Variants in CSNK1G3 observed in about 807,000 individuals in gnomAD.
CSNK1G3 encodes the protein casein kinase 1 gamma 3.
In CSNK1G3, 23 loss-of-function variants were observed where a neutral mutation model predicts 64.3. That is an observed-to-expected ratio of 0.36 (90% confidence interval 0.26 to 0.51). The LOEUF (loss-of-function observed/expected upper bound fraction) is 0.51. Ranked by LOEUF, CSNK1G3 falls within the 20% of genes least tolerant of loss-of-function variation. CSNK1G3 has a pLI of 0.96. For missense variants in CSNK1G3, 357 were observed against 510.5 expected (o/e 0.70, Z 2.90); for synonymous variants, 158 against 162.2 (o/e 0.97, Z 0.20).
intron 6 of CSNK1G3, among the ~76,000 whole-genome samples, chr5:123,580,455 G>A (rs1790027323): frequency 6.6e-6 from 1 of 151,852 alleles, no homozygotes; most frequent in Admixed American, 6.6e-5. Flanking sequence ...TCTTAACTAG[G>A]TTATTTATGT....
chr5:123,570,417 G>A (rs1314317919), intron 4 of CSNK1G3, among the ~76,000 whole-genome samples: 1 of 147,674 alleles, frequency 6.8e-6, no homozygotes, highest in East Asian at 2.0e-4. Context: ...GCAGTGGCGC[G>A]ATCTTGGCTC....
At chr5:123,561,421 T>C (rs1182072767) in intron 4 of CSNK1G3, among the ~76,000 whole-genome samples, 4 of 152,132 alleles carry the variant, frequency 2.6e-5, no homozygotes, top group Admixed American at 6.6e-5. Context: ...TATAAATAGA[T>C]TTGACTCTTA....
intron 8 of CSNK1G3, 73 bp downstream of exon 8, chr5:123,588,584 T>C: frequency 1.0e-6 from 1 of 967,944 alleles, no homozygotes; most frequent in South Asian, 1.5e-5. Context: ...CTTAAGTTTA[T>C]ACATATTTTT....
At chr5:123,606,352 T>A (rs1795366818) in intron 12 of CSNK1G3, among the ~76,000 whole-genome samples, 1 of 152,078 alleles carries the variant, frequency 6.6e-6, no homozygotes, top group African/African-American at 2.4e-5. Context: ...AAACAACAGC[T>A]TATGTTTGGG....
chr5:123,519,425 G>A (rs558502394), intron 1 of CSNK1G3, among the ~76,000 whole-genome samples: 4 of 152,176 alleles, frequency 2.6e-5, no homozygotes, highest in African/African-American at 7.2e-5. Flanking sequence ...AATAAAATAG[G>A]TGGTGAAGTT....
chr5:123,542,138 T>C (rs1041279488), intron 1 of CSNK1G3, among the ~76,000 whole-genome samples: 2 of 152,170 alleles, frequency 1.3e-5, no homozygotes, highest in Non-Finnish European at 2.9e-5. Flanking sequence ...ATATTTATTG[T>C]GTAGAACATG....
At chr5:123,515,247 C>CTG (rs945387315) in intron 1 of CSNK1G3, among the ~76,000 whole-genome samples, 111 of 152,090 alleles carry the variant, frequency 7.3e-4, no homozygotes, top group African/African-American at 2.4e-3. Context: ...TAGACTTATT[C>CTG]TGGTATAGTT....
intron 6 of CSNK1G3, among the ~76,000 whole-genome samples, chr5:123,586,073 T>A (rs749036753): frequency 9.2e-5 from 14 of 152,336 alleles, no homozygotes; most frequent in Admixed American, 4.6e-4. Flanking sequence ...ATAAACACAT[T>A]GTAATATACT....
chr5:123,606,411 G>T (rs1353658037), intron 12 of CSNK1G3, among the ~76,000 whole-genome samples: 1 of 152,128 alleles, frequency 6.6e-6, no homozygotes, highest in Admixed American at 6.6e-5. Flanking sequence ...TGGTGTGGCA[G>T]ATTCGACTGC....
At chr5:123,601,964 T>TGACA (rs972794323) in intron 10 of CSNK1G3, among the ~76,000 whole-genome samples, 123 of 152,170 alleles carry the variant, frequency 8.1e-4, no homozygotes, top group African/African-American at 2.8e-3. Context: ...GCAGAGGCAA[T>TGACA]GACATTTTCA....
intron 10 of CSNK1G3, among the ~76,000 whole-genome samples, chr5:123,593,327 T>TA (rs1289212652): frequency 2.0e-5 from 3 of 151,714 alleles, no homozygotes; most frequent in Admixed American, 1.3e-4. Flanking sequence ...GTTGTATATT[T>TA]AAAAAAAACT....
intron 8 of CSNK1G3, 100 bp downstream of exon 8, chr5:123,588,611 A>G: frequency 1.3e-6 from 1 of 767,004 alleles, no homozygotes; most frequent in Admixed American, 2.7e-5. Context: ...GCTTAAAAAA[A>G]AAAGAGCTAA....
intron 12 of CSNK1G3, among the ~76,000 whole-genome samples, chr5:123,606,724 C>A (rs953070363): frequency 7.9e-5 from 12 of 152,162 alleles, no homozygotes; most frequent in African/African-American, 2.9e-4. Flanking sequence ...ACACACTCTT[C>A]ACTGAAACTG....
intron 6 of CSNK1G3, among the ~76,000 whole-genome samples, chr5:123,576,590 C>T (rs1485581874): frequency 6.6e-6 from 1 of 152,120 alleles, no homozygotes; most frequent in African/African-American, 2.4e-5. Flanking sequence ...AACAGTTCCT[C>T]AGTCGTTCGT....
chr5:123,581,356 G>GTT (rs1561566403), intron 6 of CSNK1G3, among the ~76,000 whole-genome samples: 5 of 96,752 alleles, frequency 5.2e-5, no homozygotes, highest in African/African-American at 7.9e-5. Flanking sequence ...TGTTTTTTGG[G>GTT]TTTGTTTTTT....
At chr5:123,543,621 C>T (rs1157529159) in intron 1 of CSNK1G3, among the ~76,000 whole-genome samples, 1 of 152,120 alleles carries the variant, frequency 6.6e-6, no homozygotes, top group African/African-American at 2.4e-5. Context: ...TGAGCCTCAC[C>T]TCTTTGTGCT....
intron 1 of CSNK1G3, among the ~76,000 whole-genome samples, chr5:123,528,727 C>T (rs944295936): frequency 3.9e-5 from 6 of 152,104 alleles, no homozygotes; most frequent in African/African-American, 1.4e-4. Flanking sequence ...ATTTAGTTGT[C>T]ATTTCTTATT....
chr5:123,612,273 C>T (rs1796465611), intron 12 of CSNK1G3, among the ~76,000 whole-genome samples: 1 of 151,922 alleles, frequency 6.6e-6, no homozygotes. Flanking sequence ...TTTGCAGTAC[C>T]CTCATAGTAG....
intron 1 of CSNK1G3, among the ~76,000 whole-genome samples, chr5:123,544,210 C>A (rs933213227): frequency 1.3e-5 from 2 of 152,160 alleles, no homozygotes; most frequent in African/African-American, 2.4e-5. Flanking sequence ...AAATCCCCAC[C>A]AAGCCTTAGT....
Sources: allele counts gnomAD v4.1 joint callset (sites outside exome capture counted in the v4.1 genomes callset), GRCh38; gene constraint gnomAD v4.1.1; transcripts MANE v1.5; gene names NCBI Gene and HGNC (gene_info 2026-07-23, HGNC 2026-07-21).